The following KAZN variants were observed in gnomAD, a reference collection of about 807,000 sequenced individuals.
KAZN encodes kazrin, periplakin interacting protein, also known as kazrin.
Under a neutral mutation model 87.4 loss-of-function variants are expected in KAZN, and 40 were observed. The ratio of observed to expected loss-of-function variants is 0.46; its 90% confidence interval spans 0.36 to 0.60. The LOEUF (loss-of-function observed/expected upper bound fraction) is 0.60, where lower values mean the gene tolerates loss of function less well. Ranked by LOEUF, KAZN falls within the 20% of genes least tolerant of loss-of-function variation. The pLI is 0.00. For missense variants in KAZN, 898 were observed against 1,073.9 expected, an observed-to-expected ratio of 0.84 and a Z score of 2.29; for synonymous variants, 466 against 458.3, an observed-to-expected ratio of 1.02 and a Z score of -0.22.
intron 1 of KAZN, among the ~76,000 whole-genome samples, chr1:13,985,641 C>CA (rs901326097): frequency 6.3e-4 from 91 of 144,124 alleles, no homozygotes; most frequent in Admixed American, 1.2e-3. Context: ...ATCATCCCTC[C>CA]AAAAAAAAAA....
intron 1 of KAZN, among the ~76,000 whole-genome samples, chr1:14,740,679 A>G (rs1644069372): frequency 6.6e-6 from 1 of 151,982 alleles, no homozygotes; most frequent in African/African-American, 2.4e-5. Context: ...TCAGGTTTCT[A>G]CTGCTGTGAT....
At chr1:13,975,613 A>C in intron 1 of KAZN, among the ~76,000 whole-genome samples, 1 of 152,190 alleles carries the variant, frequency 6.6e-6, no homozygotes, top group Non-Finnish European at 1.5e-5. Flanking sequence ...CAGAATAGAT[A>C]CTCATCAAAT....
Position 14,517,154 on chromosome 1 carries a change from G to A in KAZN, c.250-81829G>A, listed in dbSNP as rs375112106. Among the ~76,000 whole-genome samples the A allele has an allele frequency of 9.2e-5, 14 of 152,188 alleles. No individual in the cohort carries two copies. In the East Asian group the frequency reaches 2.5e-3, roughly 27 times the overall value. On this transcript the variant is annotated intron_variant, in intron 2 of 16. Transcript: ENST00000636203. The stretch of plus-strand genomic sequence containing the variant: ...CCTTGGCCACAGTGATTGGCTCAGA[G>A]ATGACCGTGTGACCCATGCCAGGCT...
intron 1 of KAZN, among the ~76,000 whole-genome samples, chr1:14,144,707 C>T (rs952196681): frequency 6.6e-6 from 1 of 152,196 alleles, no homozygotes; most frequent in Admixed American, 6.5e-5. Flanking sequence ...GGAGCATCTG[C>T]ATCTGGTGAG....
intron 2 of KAZN, among the ~76,000 whole-genome samples, chr1:14,488,070 T>C (rs151213436): frequency 1.3e-5 from 2 of 152,176 alleles, no homozygotes; most frequent in African/African-American, 4.8e-5. Flanking sequence ...TATTGGATGC[T>C]CAGCAAGTAT....
chr1:14,432,823 G>A (rs1459202172), intron 2 of KAZN, among the ~76,000 whole-genome samples: 1 of 152,078 alleles, frequency 6.6e-6, no homozygotes, highest in Non-Finnish European at 1.5e-5. Context: ...AACATGCGGT[G>A]TTTGGTTTTC....
intron 2 of KAZN, among the ~76,000 whole-genome samples, chr1:14,295,885 T>C (rs904958752): frequency 4.6e-5 from 7 of 152,200 alleles, no homozygotes; most frequent in Non-Finnish European, 8.8e-5. Flanking sequence ...CTGCCTCTTC[T>C]GGAGTTCAAC....
intron 2 of KAZN, among the ~76,000 whole-genome samples, chr1:14,220,114 T>C (rs982927057): frequency 6.6e-6 from 1 of 152,206 alleles, no homozygotes; most frequent in Non-Finnish European, 1.5e-5. Flanking sequence ...ATCACCTCTT[T>C]GGTCATGCCT....
chr1:14,210,753 A>G (rs1396512957), intron 2 of KAZN, among the ~76,000 whole-genome samples: 1 of 140,788 alleles, frequency 7.1e-6, no homozygotes, highest in African/African-American at 2.4e-5. Flanking sequence ...TAACATAAAT[A>G]GCATACTTAT....
intron 2 of KAZN, 144 bp from the exon 3 acceptor site, chr1:15,034,605 G>A: frequency 1.0e-6 from 1 of 981,292 alleles, no homozygotes; most frequent in South Asian, 1.7e-5. Flanking sequence ...AGTGGCAAGG[G>A]CACATGGAAG....
chr1:14,382,634 C>A (rs925077395), intron 2 of KAZN, among the ~76,000 whole-genome samples: 2 of 147,994 alleles, frequency 1.4e-5, no homozygotes, highest in African/African-American at 5.0e-5. Context: ...CATGTCCCTA[C>A]AAAGGACATG....
chr1:14,440,552 C>T (rs910983351), intron 2 of KAZN, among the ~76,000 whole-genome samples: 5 of 152,168 alleles, frequency 3.3e-5, no homozygotes, highest in African/African-American at 1.2e-4. Flanking sequence ...CAGTATATGA[C>T]ACTTTGTGGT....
intron 2 of KAZN, among the ~76,000 whole-genome samples, chr1:14,346,959 A>C (rs1290656364): frequency 6.6e-6 from 1 of 152,206 alleles, no homozygotes; most frequent in East Asian, 1.9e-4. Flanking sequence ...ATATCACAGA[A>C]TATTATGTAA....
chr1:14,488,906 G>A (rs187113232), intron 2 of KAZN, among the ~76,000 whole-genome samples: 1 of 152,296 alleles, frequency 6.6e-6, no homozygotes, highest in East Asian at 1.9e-4. Flanking sequence ...TTGGAGGACA[G>A]GATTCATTTC....
chr1:14,346,054 C>T (rs1008391026), intron 2 of KAZN, among the ~76,000 whole-genome samples: 3 of 152,194 alleles, frequency 2.0e-5, no homozygotes, highest in African/African-American at 7.2e-5. Context: ...AAAAATGTAG[C>T]ACTGCTCATT....
At chr1:13,988,914 C>T (rs973297170) in intron 1 of KAZN, among the ~76,000 whole-genome samples, 2 of 152,176 alleles carry the variant, frequency 1.3e-5, no homozygotes, top group African/African-American at 4.8e-5. Flanking sequence ...GATCCCTTGG[C>T]ATCTTACTTC....
chr1:14,320,254 A>C (rs927312128), intron 2 of KAZN, among the ~76,000 whole-genome samples: 1 of 152,170 alleles, frequency 6.6e-6, no homozygotes, highest in Non-Finnish European at 1.5e-5. Context: ...GCTCTTCACC[A>C]ATGTTTTCCA....
intron 1 of KAZN, among the ~76,000 whole-genome samples, chr1:14,073,221 A>G (rs1643312870): frequency 6.6e-6 from 1 of 152,196 alleles, no homozygotes. Context: ...GTGAGTATGT[A>G]GAGATAGGAA....
In KAZN at chr1:14,915,635, C is replaced by T. The variant is rs117929987; in HGVS notation, c.227-45049C>T. Reference sequence around the variant, plus strand: ...AGAATGAAGAGGTGACTGTTCCCCGCTGCCCACAGGCATGCATTCTCCATA... The same window carrying T: ...AGAATGAAGAGGTGACTGTTCCCCGTTGCCCACAGGCATGCATTCTCCATA... On this transcript the variant is annotated intron_variant, in intron 1 of 14. Coordinates refer to ENST00000376030, the MANE Select transcript of KAZN (RefSeq NM_201628.3). Among the ~76,000 whole-genome samples the T allele has an allele frequency of 4.7e-3, 712 of 152,372 alleles. 28 individuals carry two copies. The South Asian group carries it at 0.076, about 16-fold the overall frequency.
Sources: gnomAD v4.1 joint callset for allele counts (sites outside exome capture counted in the v4.1 genomes callset) on GRCh38, gnomAD v4.1.1 for gene constraint, MANE v1.5 for transcripts, NCBI Gene and HGNC (gene_info 2026-07-23, HGNC 2026-07-21) for gene names.